C1orf21: variants seen among roughly 807,000 people sequenced by gnomAD.
The protein encoded by C1orf21 is chromosome 1 open reading frame 21.
A neutral mutation model predicts 18.7 loss-of-function variants in C1orf21; 3 were observed. The ratio of observed to expected loss-of-function variants is 0.16; its 90% CI spans 0.07 to 0.42. C1orf21 has a LOEUF of 0.42. Ranked by LOEUF, C1orf21 falls within the 10% of genes least tolerant of loss-of-function variation. The probability of loss-of-function intolerance (pLI) is 0.99; values close to 1 mark genes in which losing one functional copy is unlikely to be tolerated. For synonymous variants in C1orf21, 41 were observed against 46.4 expected (o/e 0.88, Z 0.47); for missense variants, 104 against 143.6 (o/e 0.72, Z 1.41).
intron 2 of C1orf21, among the ~76,000 whole-genome samples, chr1:184,502,934 C>G (rs1657998858): frequency 6.6e-6 from 1 of 151,656 alleles, no homozygotes; most frequent in Non-Finnish European, 1.5e-5. Context: ...AAAAATTAGG[C>G]AGGCATGATG....
intron 3 of C1orf21, among the ~76,000 whole-genome samples, chr1:184,553,432 C>T (rs1380152906): frequency 6.6e-6 from 1 of 152,174 alleles, no homozygotes; most frequent in African/African-American, 2.4e-5. Flanking sequence ...TTTCCTGGTT[C>T]TGTGCCGTAA....
At chr1:184,505,321 A>ATATG (rs1658038705) in intron 2 of C1orf21, among the ~76,000 whole-genome samples, 1 of 131,158 alleles carries the variant, frequency 7.6e-6, no homozygotes. Context: ...ATATATATAT[A>ATATG]TATATATATA....
At chr1:184,581,374 G>C (rs530682275) in intron 3 of C1orf21, among the ~76,000 whole-genome samples, 49 of 151,694 alleles carry the variant, frequency 3.2e-4, no homozygotes, top group Non-Finnish European at 5.9e-4. Flanking sequence ...AGGTTGCAGT[G>C]AGCCGAGATT....
At chr1:184,607,639 A>G (rs181530840) in intron 5 of C1orf21, among the ~76,000 whole-genome samples, 57 of 151,534 alleles carry the variant, frequency 3.8e-4, no homozygotes, top group African/African-American at 1.3e-3. Context: ...ACATACATAT[A>G]TATGTGTGTG....
intron 3 of C1orf21, among the ~76,000 whole-genome samples, chr1:184,528,986 T>C (rs576625288): frequency 1.3e-5 from 2 of 152,328 alleles, no homozygotes; most frequent in East Asian, 3.9e-4. Flanking sequence ...GGACATATAT[T>C]GCCTGGTGCC....
intron 3 of C1orf21, among the ~76,000 whole-genome samples, chr1:184,577,431 G>A (rs1390623653): frequency 1.3e-5 from 2 of 152,034 alleles, no homozygotes; most frequent in African/African-American, 4.8e-5. Context: ...TCATAAATCT[G>A]TGTCATTTTA....
intron 3 of C1orf21, among the ~76,000 whole-genome samples, chr1:184,580,500 T>C (rs1416699966): frequency 6.6e-6 from 1 of 152,258 alleles, no homozygotes; most frequent in Admixed American, 6.5e-5. Flanking sequence ...CCTCCTCAAA[T>C]AGGGCATGAA....
At chr1:184,615,035 C>T (rs1292659377) in intron 5 of C1orf21, among the ~76,000 whole-genome samples, 1 of 152,206 alleles carries the variant, frequency 6.6e-6, no homozygotes, top group Non-Finnish European at 1.5e-5. Context: ...ATTGGAGGAA[C>T]AGTTTCTTAA....
At chr1:184,594,080 G>GT (rs1659482200) in intron 4 of C1orf21, among the ~76,000 whole-genome samples, 1 of 152,128 alleles carries the variant, frequency 6.6e-6, no homozygotes, top group African/African-American at 2.4e-5. Flanking sequence ...CCTCACTTTT[G>GT]TTTTTTATTT....
chr1:184,487,024 A>T (rs1657742320), intron 2 of C1orf21, among the ~76,000 whole-genome samples: 1 of 152,256 alleles, frequency 6.6e-6, no homozygotes, highest in Admixed American at 6.5e-5. Flanking sequence ...CTGGAGCTGC[A>T]GGCAAGGCCT....
chr1:184,469,127 G>A (rs1339852608), intron 1 of C1orf21, among the ~76,000 whole-genome samples: 1 of 151,954 alleles, frequency 6.6e-6, no homozygotes, highest in Non-Finnish European at 1.5e-5. Context: ...GCACGTGCCT[G>A]TAGTCCCAGC....
chr1:184,619,431 A>G, intron 5 of C1orf21, 87 bp from the exon 6 acceptor site: 1 of 1,417,960 alleles, frequency 7.1e-7, no homozygotes, highest in Non-Finnish European at 9.9e-7. Context: ...GGAGACATAT[A>G]TTGAGAGAAA....
At chr1:184,580,136 A>G (rs781027609) in intron 3 of C1orf21, among the ~76,000 whole-genome samples, 1 of 151,690 alleles carries the variant, frequency 6.6e-6, no homozygotes, top group African/African-American at 2.4e-5. Context: ...ATCCCTAAAA[A>G]TTTTTGCCAT....
At chr1:184,564,372 G>GA (rs1659004715) in intron 3 of C1orf21, among the ~76,000 whole-genome samples, 1 of 152,138 alleles carries the variant, frequency 6.6e-6, no homozygotes, top group Admixed American at 6.5e-5. Flanking sequence ...GCAATGGCGT[G>GA]ATCTCAGCTC....
chr1:184,467,713 G>A (rs1250827078), intron 1 of C1orf21, among the ~76,000 whole-genome samples: 1 of 152,110 alleles, frequency 6.6e-6, no homozygotes, highest in Non-Finnish European at 1.5e-5. Context: ...TCATCTTAGA[G>A]TTCATCACTA....
intron 3 of C1orf21, among the ~76,000 whole-genome samples, chr1:184,565,617 C>A (rs1001101418): frequency 6.6e-6 from 1 of 152,226 alleles, no homozygotes; most frequent in African/African-American, 2.4e-5. Flanking sequence ...GGGTGTCCCC[C>A]TGTAAAGTGG....
At chr1:184,612,022 AT>A (rs57319892) in intron 5 of C1orf21, among the ~76,000 whole-genome samples, 5 of 152,144 alleles carry the variant, frequency 3.3e-5, no homozygotes, top group African/African-American at 7.2e-5. Context: ...AAAATTTATA[AT>A]TTTTTAAAAG....
At chr1:184,558,658 G>T (rs1166467782) in intron 3 of C1orf21, among the ~76,000 whole-genome samples, 1 of 152,200 alleles carries the variant, frequency 6.6e-6, no homozygotes, top group Non-Finnish European at 1.5e-5. Context: ...CACCTTGATT[G>T]TTGGCCATCT....
chr1:184,550,897 G>T (rs533020395), intron 3 of C1orf21, among the ~76,000 whole-genome samples: 1 of 152,310 alleles, frequency 6.6e-6, no homozygotes, highest in African/African-American at 2.4e-5. Context: ...TGGCTGTCTA[G>T]AGGTTGAGAT....
Sources: gnomAD v4.1 joint callset for allele counts (sites outside exome capture counted in the v4.1 genomes callset) on GRCh38, gnomAD v4.1.1 for gene constraint, MANE v1.5 for transcripts, NCBI Gene and HGNC (gene_info 2026-07-23, HGNC 2026-07-21) for gene names.